The following PRRX1 variants were observed in gnomAD, a reference collection of about 807,000 sequenced individuals.
PRRX1 encodes paired related homeobox 1.
A neutral mutation model predicts 24.0 loss-of-function variants in PRRX1; 8 were observed. That is an observed-to-expected ratio of 0.33 (90% CI 0.20 to 0.60). The LOEUF (loss-of-function observed/expected upper bound fraction) is 0.60, where lower values mean the gene tolerates loss of function less well. Among genes scored for constraint, PRRX1 ranks in the 20% least tolerant of loss-of-function variants. The pLI, the probability that PRRX1 is intolerant of heterozygous loss-of-function variation, is 0.82. For missense variants in PRRX1, 281 were observed against 322.4 expected (o/e 0.87, Z 0.98); for synonymous variants, 160 against 131.7 (o/e 1.22, Z -1.47).
At chr1:170,730,127 C>T (rs1164668954) in intron 3 of PRRX1, 2 of 778,076 alleles carry the variant, frequency 2.6e-6, no homozygotes, top group African/African-American at 3.4e-5. Context: ...TAAAAGAAAG[C>T]TAGTGATGAG....
Position 170,720,133 on chromosome 1 carries a change from C to G in PRRX1, c.417+232C>G, listed in dbSNP as rs1571344185. 3.9e-5 allele frequency among the ~76,000 whole-genome samples: 6 copies of G among 152,116 alleles called. No homozygotes were observed. The South Asian group carries it at 1.0e-3, about 26-fold the overall frequency. ...AAATACAAAATAAATAAATAAACAGCCAGGCATGATGCTGCGTGCCTGTGG... is the reference window on the plus strand; with the variant it reads ...AAATACAAAATAAATAAATAAACAGGCAGGCATGATGCTGCGTGCCTGTGG... On this transcript the variant is annotated intron_variant, in intron 2 of 3. Transcript: ENST00000239461.
intron 1 of PRRX1, among the ~76,000 whole-genome samples, chr1:170,708,965 G>T (rs1654658374): frequency 6.6e-6 from 1 of 152,152 alleles, no homozygotes; most frequent in African/African-American, 2.4e-5. Context: ...GTTCAGAGTA[G>T]GCACTTTCAC....
chr1:170,685,293 G>A lies in PRRX1; in HGVS notation c.241+20834G>A, dbSNP rs546367311. On this transcript the variant is annotated intron_variant, in intron 1 of 3. Transcript: ENST00000239461. ...TCCTTGCTCACCTCCTGACGCAGGA[G>A]GACACCAAGGACTGTGTGAGGTGGG... Among the ~76,000 whole-genome samples the A allele has an allele frequency of 1.2e-4, 19 of 152,216 alleles. 1 individual carries two copies. In the South Asian group the frequency reaches 3.5e-3, roughly 28 times the overall value.
intron 1 of PRRX1, among the ~76,000 whole-genome samples, chr1:170,703,595 TG>T (rs1185585029): frequency 7.1e-6 from 1 of 141,824 alleles, no homozygotes; most frequent in Non-Finnish European, 1.6e-5. Context: ...TATATAATAG[TG>T]TTTTTTTTTT....
At chr1:170,705,917 G>GACACACACACACACAC (rs72161621) in intron 1 of PRRX1, among the ~76,000 whole-genome samples, 5 of 123,672 alleles carry the variant, frequency 4.0e-5, no homozygotes, top group African/African-American at 9.6e-5. Context: ...TACCCACATA[G>GACACACACACACACAC]ACACACACAC....
intron 1 of PRRX1, among the ~76,000 whole-genome samples, chr1:170,666,087 T>C (rs1057476334): frequency 2.6e-5 from 4 of 152,200 alleles, no homozygotes; most frequent in African/African-American, 9.6e-5. Flanking sequence ...AATACTATGA[T>C]TGTTTTTAAA....
chr1:170,664,328 G>C lies in PRRX1; in HGVS notation c.110G>C (p.Ser37Thr). 1 of 1,614,022 alleles carries C rather than the reference G, an allele frequency of 6.2e-7. No individual in the cohort carries two copies. The highest frequency in any genetic ancestry group is 8.5e-7 in the Non-Finnish European group (1 of 1,179,962). ...TLQAKKNFSV[S>T]HLLDLEEAGD... ...CAGGCGAAAAAGAACTTCTCCGTCA[G>C]TCACCTGCTAGACCTGGAGGAAGCC... Residue 37 changes from serine to threonine, a missense_variant, in exon 1 of 4, where the codon AGT becomes ACT. Coordinates refer to ENST00000239461, the MANE Select transcript of PRRX1 (RefSeq NM_022716.4).
At chr1:170,698,616 T>C (rs537616073) in intron 1 of PRRX1, among the ~76,000 whole-genome samples, 14 of 152,206 alleles carry the variant, frequency 9.2e-5, no homozygotes, top group Non-Finnish European at 1.9e-4. Flanking sequence ...ACCGTATTAT[T>C]TCTTCAGCTT....
At position 170,711,862 on chromosome 1, in the gene PRRX1, T is replaced by C. The variant is rs570026990; in HGVS notation, c.242-7864T>C. 8.5e-5 allele frequency among the ~76,000 whole-genome samples: 13 copies of C among 152,328 alleles called. No homozygotes were observed. The South Asian group carries it at 1.7e-3, about 19-fold the overall frequency. On this transcript the variant is annotated intron_variant, in intron 1 of 3. Coordinates refer to ENST00000239461, the MANE Select transcript of PRRX1 (RefSeq NM_022716.4). ...TTGCAAGTTTAGAAAGCTTCTAATA[T>C]CTCAGTCAGAACTCACTCTTTTCCC...
At chr1:170,684,213 T>C (rs1274426668) in intron 1 of PRRX1, among the ~76,000 whole-genome samples, 1 of 152,188 alleles carries the variant, frequency 6.6e-6, no homozygotes, top group Non-Finnish European at 1.5e-5. Context: ...CTCAAAATGT[T>C]AATAGCAACC....
chr1:170,703,896 A>T (rs1654476720), intron 1 of PRRX1, among the ~76,000 whole-genome samples: 1 of 152,234 alleles, frequency 6.6e-6, no homozygotes, highest in African/African-American at 2.4e-5. Context: ...ACATCATGAA[A>T]ATATACAGCC....
At chr1:170,728,093 T>A (rs906425697) in intron 3 of PRRX1, 2 of 152,180 alleles carry the variant, frequency 1.3e-5, no homozygotes, top group Non-Finnish European at 2.9e-5. Flanking sequence ...TTTTTCTGTC[T>A]GGGTCCTCCA....
intron 1 of PRRX1, among the ~76,000 whole-genome samples, chr1:170,671,139 A>G (rs1047625804): frequency 6.6e-6 from 1 of 152,178 alleles, no homozygotes; most frequent in Non-Finnish European, 1.5e-5. Context: ...CTCTACTCCT[A>G]TTTTGTTTAC....
intron 1 of PRRX1, among the ~76,000 whole-genome samples, chr1:170,664,664 G>C (rs1045513737): frequency 1.3e-5 from 2 of 152,240 alleles, no homozygotes; most frequent in African/African-American, 4.8e-5. Flanking sequence ...CAAGGAGGAC[G>C]CTGGAGAGAG....
chr1:170,737,866 T>C lies in PRRX1; in HGVS notation c.*1680T>C, dbSNP rs1293147141. ...ATTTGCTCCTTTATTCTTTCCTGTA[T>C]TCTCTGTATGTCCAGCACTTTGTAG... is the stretch of plus-strand genomic sequence containing the variant. On this transcript the variant is annotated 3_prime_UTR_variant, in exon 4 of 4. Coordinates refer to ENST00000239461, the MANE Select transcript of PRRX1 (RefSeq NM_022716.4). 4 of 215,056 alleles carry C rather than the reference T, an allele frequency of 1.9e-5. No individual in the cohort carries two copies. Among genetic ancestry groups the C allele is most frequent in the Non-Finnish European group, 3.8e-5 (4 of 106,372 alleles). The allele number at this position is 215,056 out of a possible 1,614,324, so 13.3% of individuals were successfully genotyped here.
At chr1:170,687,327 G>A (rs1653779537) in intron 1 of PRRX1, among the ~76,000 whole-genome samples, 1 of 152,146 alleles carries the variant, frequency 6.6e-6, no homozygotes, top group Admixed American at 6.6e-5. Context: ...AACTAAACAA[G>A]AACTCTTGGC....
rs199681609 is a variant in PRRX1 at position 170,704,227 on chromosome 1, A to G, written c.242-15499A>G. On this transcript the variant is annotated intron_variant, in intron 1 of 3. Coordinates refer to ENST00000239461, the MANE Select transcript of PRRX1 (RefSeq NM_022716.4). The stretch of plus-strand genomic sequence containing the variant: ...ATAAATGAAATAACATAAGTAAGTG[A>G]GGTGTTTTATGATCTTTGAAAGAAA... Among the ~76,000 whole-genome samples, 13 of 152,334 alleles carry G rather than the reference A, an allele frequency of 8.5e-5. No homozygotes were observed. In the East Asian group the frequency reaches 2.5e-3, roughly 29 times the overall value.
chr1:170,730,155 A>C (rs1655383069), intron 3 of PRRX1: 1 of 867,774 alleles, frequency 1.2e-6, no homozygotes, highest in Non-Finnish European at 2.0e-6. Context: ...GAGGTCAGCT[A>C]TCCTTGTCCA....
chr1:170,698,535 C>T lies in PRRX1; in HGVS notation c.242-21191C>T, dbSNP rs924496132. Among the ~76,000 whole-genome samples, 5 of 152,070 alleles carry T rather than the reference C, an allele frequency of 3.3e-5. No homozygotes were observed. In the South Asian group the frequency reaches 8.3e-4, roughly 25 times the overall value. ...GTTGTTTTAGAATCACAGTAGAGGC[C>T]TTTTGCGTATTAAAATAGACTATTT... On this transcript the variant is annotated intron_variant, in intron 1 of 3. Coordinates refer to ENST00000239461, the MANE Select transcript of PRRX1 (RefSeq NM_022716.4).
Sources: allele counts gnomAD v4.1 joint callset (sites outside exome capture counted in the v4.1 genomes callset), GRCh38; gene constraint gnomAD v4.1.1; transcripts MANE v1.5; gene names NCBI Gene and HGNC (gene_info 2026-07-23, HGNC 2026-07-21).